AKAP13: variants seen among roughly 807,000 people sequenced by gnomAD.
AKAP13 encodes the protein A-kinase anchor protein 13.
Under a neutral mutation model 264.5 loss-of-function variants are expected in AKAP13, and 80 were observed. The observed-to-expected ratio is 0.30, with a 90% CI of 0.25 to 0.36. The LOEUF (loss-of-function observed/expected upper bound fraction) is 0.36, where lower values mean the gene tolerates loss of function less well. Among genes scored for constraint, AKAP13 ranks in the 10% least tolerant of loss-of-function variants. AKAP13 has a pLI of 1.00. For missense variants in AKAP13, 3,712 were observed against 3,435.2 expected (o/e 1.08, Z -2.01); for synonymous variants, 1,380 against 1,250.2 (o/e 1.10, Z -2.19).
Position 85,748,108 on chromosome 15 carries a change from C to G in AKAP13, c.*3431C>G, listed in dbSNP as rs2089422720. ...GCTTTCTATTTCATCATTTTTGTTT[C>G]TAGGGCTCTTTTTCTGTAGCCAGGT... is the stretch of plus-strand genomic sequence containing the variant. On this transcript the variant is annotated 3_prime_UTR_variant, in exon 37 of 37. Coordinates refer to ENST00000394518, the MANE Select transcript of AKAP13 (RefSeq NM_007200.5). The G allele has an allele frequency of 6.6e-6, 1 of 152,212 alleles. No homozygotes were observed. The allele number at this position is 152,212 out of a possible 1,614,324, so 9.4% of individuals were successfully genotyped here.
chr15:85,603,738 T>A (rs2080194975), intron 8 of AKAP13, among the ~76,000 whole-genome samples: 1 of 152,242 alleles, frequency 6.6e-6, no homozygotes, highest in South Asian at 2.1e-4. Flanking sequence ...GAAATGCATC[T>A]CTGGAGTCAA....
At chr15:85,522,196 A>T (rs915894770) in intron 3 of AKAP13, among the ~76,000 whole-genome samples, 1 of 152,162 alleles carries the variant, frequency 6.6e-6, no homozygotes, top group African/African-American at 2.4e-5. Context: ...ATAATCGATC[A>T]GTCCGTGACT....
At chr15:85,432,991 A>G (rs985271846) in intron 1 of AKAP13, among the ~76,000 whole-genome samples, 5 of 151,920 alleles carry the variant, frequency 3.3e-5, no homozygotes, top group African/African-American at 9.7e-5. Context: ...GATACTTAAC[A>G]TTTTAGTTTT....
At chr15:85,433,307 C>T (rs1053247263) in intron 1 of AKAP13, among the ~76,000 whole-genome samples, 2 of 152,186 alleles carry the variant, frequency 1.3e-5, no homozygotes, top group East Asian at 1.9e-4. Flanking sequence ...AAAGTTTGAA[C>T]GTTTTCAAGT....
chr15:85,418,702 C>T (rs1403693004), intron 1 of AKAP13, among the ~76,000 whole-genome samples: 1 of 152,086 alleles, frequency 6.6e-6, no homozygotes, highest in East Asian at 1.9e-4. Flanking sequence ...GTTGTCTTTC[C>T]CATATTTACA....
At chr15:85,600,529 A>G (rs528230173) in intron 8 of AKAP13, among the ~76,000 whole-genome samples, 1 of 152,360 alleles carries the variant, frequency 6.6e-6, no homozygotes, top group Non-Finnish European at 1.5e-5. Flanking sequence ...TGCTAAGTAG[A>G]GGCACTGCTG....
chr15:85,554,424 C>G (rs1306503254), intron 5 of AKAP13, among the ~76,000 whole-genome samples: 2 of 152,256 alleles, frequency 1.3e-5, no homozygotes, highest in East Asian at 3.9e-4. Context: ...TTCTGACTTA[C>G]TGTTTCCTAG....
At chr15:85,408,285 A>G (rs911564285) in intron 1 of AKAP13, among the ~76,000 whole-genome samples, 1 of 151,838 alleles carries the variant, frequency 6.6e-6, no homozygotes, top group African/African-American at 2.4e-5. Flanking sequence ...GAATATTAAA[A>G]AATGTTAATT....
intron 34 of AKAP13, 161 bp downstream of exon 34, chr15:85,740,433 G>C (rs746395607): frequency 5.6e-6 from 4 of 711,300 alleles, no homozygotes; most frequent in Non-Finnish European, 9.1e-6. Flanking sequence ...GTTACAGAAT[G>C]CATCGACCTT....
chr15:85,661,483 C>G (rs1369690336), intron 12 of AKAP13, among the ~76,000 whole-genome samples: 1 of 152,120 alleles, frequency 6.6e-6, no homozygotes, highest in Non-Finnish European at 1.5e-5. Context: ...CTTTGGGAGG[C>G]TGAGGCGGGT....
In AKAP13 at chr15:85,579,686, G is replaced by A; in HGVS notation, c.1618G>A (p.Ala540Thr). Reference sequence around the variant, plus strand: ...CAGTGTTCCAAACTGTGCCCCTGCTGCCAGTTCCCTGGATGGTAACAAACC... The same window carrying A: ...CAGTGTTCCAAACTGTGCCCCTGCTACCAGTTCCCTGGATGGTAACAAACC... ...KISVPNCAPA[A>T]SSLDGNKPAE... The change falls in exon 7 of 37, where the codon GCC (alanine) becomes ACC (threonine). Residue 540 changes from alanine (A) to threonine (T), a missense_variant. Around this residue, in one of 3 missense-constraint regions of AKAP13, gnomAD observed 2,759 missense variants for 2,411.7 expected, o/e 1.14. Transcript: ENST00000394518. 1.9e-6 allele frequency: 3 copies of A among 1,614,176 alleles called. No homozygotes were observed. The highest frequency in any genetic ancestry group is 2.5e-6 in the Non-Finnish European group (3 of 1,180,024).
intron 8 of AKAP13, among the ~76,000 whole-genome samples, chr15:85,596,931 G>GA (rs527490441): frequency 4.6e-5 from 7 of 151,862 alleles, no homozygotes; most frequent in African/African-American, 1.4e-4. Context: ...CTCTGAGGCA[G>GA]AAAAAAAACA....
In AKAP13 at chr15:85,726,299, T is replaced by G. The variant is rs74336663; in HGVS notation, c.6746-111T>G. 1,812 of 762,036 alleles carry G rather than the reference T, an allele frequency of 2.4e-3. 26 individuals carry two copies. In the African/African-American group the frequency reaches 0.028, roughly 12 times the overall value. The allele number at this position is 762,036 out of a possible 1,614,324, so 47.2% of individuals were successfully genotyped here. A position where few individuals can be genotyped will look rare whatever the true frequency, so the allele number is the denominator to read the frequency against. Reference sequence around the variant, plus strand: ...GTGATCTCAGATCATAGTTTGCCCGTATAGGGGTGTATGTGTTGCTGAAAC... The same window carrying G: ...GTGATCTCAGATCATAGTTTGCCCGGATAGGGGTGTATGTGTTGCTGAAAC... On this transcript the variant is annotated intron_variant, in intron 26 of 36. Coordinates refer to ENST00000394518, the MANE Select transcript of AKAP13 (RefSeq NM_007200.5).
chr15:85,696,788 TG>T (rs939877762), intron 17 of AKAP13, among the ~76,000 whole-genome samples: 3 of 152,238 alleles, frequency 2.0e-5, no homozygotes, highest in Admixed American at 2.0e-4. Flanking sequence ...GTAAAGAGCA[TG>T]CCCCCTCATT....
At chr15:85,494,315 CT>C (rs1215161831) in intron 2 of AKAP13, among the ~76,000 whole-genome samples, 14 of 152,162 alleles carry the variant, frequency 9.2e-5, no homozygotes, top group African/African-American at 3.4e-4. Flanking sequence ...GAGTTTTAGA[CT>C]TCTGATGAAG....
At position 85,555,615 on chromosome 15, in the gene AKAP13, G is replaced by T. The variant is rs374795127; in HGVS notation, c.662+11660G>T. ...TGAACTTCCCTGAAGGACTTGTGTTGTTAGGATCAGAAAAGTGTTCTTCTC... is the reference window on the plus strand; with the variant it reads ...TGAACTTCCCTGAAGGACTTGTGTTTTTAGGATCAGAAAAGTGTTCTTCTC... On this transcript the variant is annotated intron_variant, in intron 5 of 36. Transcript: ENST00000394518. 2,187 of 580,608 alleles carry T rather than the reference G, an allele frequency of 3.8e-3. 56 individuals are homozygous for T. The highest frequency in any genetic ancestry group is 0.032 in the South Asian group (2,121 of 66,268). The allele number at this position is 580,608 out of a possible 1,614,324, so 36.0% of individuals were successfully genotyped here.
At chr15:85,574,761 A>G (rs1042513286) in intron 5 of AKAP13, among the ~76,000 whole-genome samples, 1 of 152,222 alleles carries the variant, frequency 6.6e-6, no homozygotes, top group African/African-American at 2.4e-5. Flanking sequence ...ATTTATTTTA[A>G]GAGCACCTCT....
intron 2 of AKAP13, among the ~76,000 whole-genome samples, chr15:85,493,196 C>T (rs532958228): frequency 2.0e-5 from 3 of 152,286 alleles, no homozygotes; most frequent in South Asian, 2.1e-4. Flanking sequence ...AAATGTAATA[C>T]TCAGCTGAGC....
At chr15:85,390,202 C>G (rs1265200751) in intron 1 of AKAP13, among the ~76,000 whole-genome samples, 1 of 152,046 alleles carries the variant, frequency 6.6e-6, no homozygotes, top group Non-Finnish European at 1.5e-5. Flanking sequence ...TAATCTATAT[C>G]CTATTGAGGG....
Sources: allele counts gnomAD v4.1 joint callset (sites outside exome capture counted in the v4.1 genomes callset), GRCh38; gene constraint gnomAD v4.1.1; regional missense constraint gnomAD v4.1.1; transcripts MANE v1.5; gene names NCBI Gene and HGNC (gene_info 2026-07-23, HGNC 2026-07-21).